The following FRMPD1 variants were observed in gnomAD, a reference collection of about 807,000 sequenced individuals.
FRMPD1 encodes the protein FERM and PDZ domain-containing protein 1.
In FRMPD1, 76 loss-of-function variants were observed where a neutral mutation model predicts 117.8. The ratio of observed to expected loss-of-function variants is 0.65; its 90% confidence interval spans 0.54 to 0.78. The LOEUF is 0.78. FRMPD1 is among the 30% of genes least tolerant of loss of function. The probability of loss-of-function intolerance (pLI) is 0.00; values close to 1 mark genes in which losing one functional copy is unlikely to be tolerated. For synonymous variants in FRMPD1, 783 were observed against 770.4 expected, an observed-to-expected ratio of 1.02 and a Z score of -0.27; for missense variants, 1,786 against 1,964.5, an observed-to-expected ratio of 0.91 and a Z score of 1.72.
chr9:37,708,635 G>A (rs573551744), intron 4 of FRMPD1, 134 bp downstream of exon 4: 12 of 592,940 alleles, frequency 2.0e-5, no homozygotes, highest in East Asian at 1.2e-4. Flanking sequence ...AAACAGCCTC[G>A]TTTTAGAGTT....
chr9:37,629,386 T>A, the FRMPD1 span, among the ~76,000 whole-genome samples: 3 of 152,218 alleles, frequency 2.0e-5, 1 homozygote, highest in Admixed American at 2.0e-4. Context: ...TTGAGGCAGA[T>A]GTTGGTGCTG....
At chr9:37,611,315 T>G in the FRMPD1 span, among the ~76,000 whole-genome samples, 1 of 152,230 alleles carries the variant, frequency 6.6e-6, no homozygotes, top group Non-Finnish European at 1.5e-5. Context: ...TTTTTGTGCT[T>G]ATGCGAATCT....
intron 1 of FRMPD1, among the ~76,000 whole-genome samples, chr9:37,676,692 G>A (rs976357492): frequency 7.2e-5 from 11 of 152,136 alleles, no homozygotes; most frequent in African/African-American, 2.4e-4. Context: ...CCTTGCATAG[G>A]GTTCTGATTG....
chr9:37,637,261 C>T, the FRMPD1 span: 2 of 1,605,094 alleles, frequency 1.2e-6, no homozygotes, highest in South Asian at 1.1e-5. Flanking sequence ...CAATCAAAAG[C>T]AGCTTAAACA....
At position 37,660,335 on chromosome 9, in the gene FRMPD1, G is replaced by A. The variant is rs185638699; in HGVS notation, c.-5+9241G>A. 4.9e-3 allele frequency among the ~76,000 whole-genome samples: 744 copies of A among 152,256 alleles called. 4 individuals carry two copies. Among genetic ancestry groups the A allele is most frequent in the Non-Finnish European group, 7.9e-3 (540 of 67,986 alleles). On this transcript the variant is annotated intron_variant, in intron 1 of 15. Coordinates refer to ENST00000377765, the MANE Select transcript of FRMPD1 (RefSeq NM_014907.3). ...CTAGGAGGGCTTCTGGGAGGGACTG[G>A]CATTTGAACCGAGCCCTAGTGGGTG...
chr9:37,627,065 G>A, the FRMPD1 span, among the ~76,000 whole-genome samples: 2 of 140,794 alleles, frequency 1.4e-5, no homozygotes, highest in African/African-American at 5.1e-5. Flanking sequence ...TGCTGACTCA[G>A]GTTTTCCTGC....
intron 15 of FRMPD1, among the ~76,000 whole-genome samples, chr9:37,744,132 G>A (rs1207830447): frequency 2.0e-5 from 3 of 152,092 alleles, no homozygotes; most frequent in Non-Finnish European, 4.4e-5. Context: ...AGAGGTTGCA[G>A]TGAGCCGAGA....
chr9:37,721,743 T>C (rs1179859576), intron 6 of FRMPD1, among the ~76,000 whole-genome samples: 1 of 152,208 alleles, frequency 6.6e-6, no homozygotes, highest in African/African-American at 2.4e-5. Flanking sequence ...AAAAACATGC[T>C]CAATTGTCTA....
chr9:37,730,965 T>C lies in FRMPD1; in HGVS notation c.739-19T>C, dbSNP rs1173957999. ...AAAGGCAGTTAGGAGATTAATAGTA[T>C]CTCCCTTACCCATCGCAGGTGGTAG... On this transcript the variant is annotated intron_variant, in intron 8 of 15. Transcript: ENST00000377765. 6.2e-7 allele frequency: 1 copy of C among 1,613,094 alleles called. No homozygotes were observed. The highest frequency in any genetic ancestry group is 1.7e-5 in the Admixed American group (1 of 59,974).
chr9:37,608,404 TTCTC>T, the FRMPD1 span, among the ~76,000 whole-genome samples: 3 of 151,878 alleles, frequency 2.0e-5, no homozygotes, highest in Non-Finnish European at 4.4e-5. Context: ...TTTTCTATCT[TTCTC>T]TCTTTCTTTC....
intron 13 of FRMPD1, among the ~76,000 whole-genome samples, 194 bp downstream of exon 13, chr9:37,735,928 GT>G (rs1489592315): frequency 1.3e-5 from 2 of 151,952 alleles, no homozygotes; most frequent in Admixed American, 1.3e-4. Flanking sequence ...GTCCTAAAAG[GT>G]TTTTTTGCAC....
the FRMPD1 span, among the ~76,000 whole-genome samples, chr9:37,621,888 G>A: frequency 0.015 from 2,290 of 152,164 alleles, 65 homozygotes; most frequent in African/African-American, 0.051. Flanking sequence ...CTTTTGCTCA[G>A]GTTAAGGGGT....
At chr9:37,637,353 A>G in the FRMPD1 span, 2 of 809,326 alleles carry the variant, frequency 2.5e-6, no homozygotes, top group Non-Finnish European at 4.3e-6. Context: ...TCCCGTTCCA[A>G]GATGGTGGCC....
the FRMPD1 span, among the ~76,000 whole-genome samples, chr9:37,643,042 T>A: frequency 2.0e-5 from 3 of 152,230 alleles, no homozygotes; most frequent in Non-Finnish European, 4.4e-5. Flanking sequence ...AAGTATTAAA[T>A]CATACATAAA....
Position 37,740,634 on chromosome 9 carries a change from C to G in FRMPD1, c.2106C>G (p.Ser702Arg). 1 of 1,614,084 alleles carries G rather than the reference C, an allele frequency of 6.2e-7. No individual in the cohort carries two copies. Among genetic ancestry groups the G allele is most frequent in the Non-Finnish European group, 8.5e-7 (1 of 1,179,936 alleles). ...TGGACCCCAGGCTGTATGAAGGCAG[C>G]CACGCTGACTACTACAGCCTGTGTT... The part of the protein sequence containing the change: ...VRLDPRLYEG[S>R]HADYYSLCSS... The change falls in exon 15 of 16, where the codon AGC becomes AGG. Residue 702 changes from serine (S) to arginine (R), a missense_variant. By Grantham distance (110) the Ser-to-Arg change is moderately radical (BLOSUM62 -1). Transcript: ENST00000377765. This position sits in a 1 kb window ranked among gnomAD's most constrained non-coding sequence, Gnocchi z 4.2.
chr9:37,683,824 A>G (rs1853879), intron 1 of FRMPD1, among the ~76,000 whole-genome samples: 18,605 of 60,546 alleles, frequency 0.31, 1,543 homozygotes, highest in East Asian at 0.49. Context: ...AGGTAATACA[A>G]TTCTGCAGAG....
intron 7 of FRMPD1, among the ~76,000 whole-genome samples, chr9:37,725,660 TTAAG>T (rs1403930088): frequency 6.6e-5 from 10 of 152,178 alleles, no homozygotes; most frequent in African/African-American, 2.4e-4. Context: ...GGAATAGACT[TTAAG>T]TGTTTACTAC....
upstream of FRMPD1, among the ~76,000 whole-genome samples, chr9:37,650,110 G>A (rs1482824435): frequency 6.6e-6 from 1 of 152,086 alleles, no homozygotes; most frequent in Non-Finnish European, 1.5e-5. Context: ...ATGAGGACAG[G>A]GACTGCTTTA....
the FRMPD1 span, chr9:37,637,420 C>A: frequency 1.5e-6 from 1 of 645,184 alleles, no homozygotes. Context: ...TAAAATTCAC[C>A]CTTTTTAGTA....
Sources: allele counts gnomAD v4.1 joint callset (sites outside exome capture counted in the v4.1 genomes callset), GRCh38; gene constraint gnomAD v4.1.1; non-coding constraint Gnocchi (gnomAD v3.1); transcripts MANE v1.5; gene names NCBI Gene and HGNC (gene_info 2026-07-23, HGNC 2026-07-21).